Variants in ADARB2 observed in about 807,000 individuals in gnomAD.
ADARB2 encodes inactive double-stranded RNA-specific editase B2.
A neutral mutation model predicts 62.2 loss-of-function variants in ADARB2; 25 were observed. That is an observed-to-expected ratio of 0.40 (90% confidence interval 0.29 to 0.56). The LOEUF (loss-of-function observed/expected upper bound fraction) is 0.56, where lower values mean the gene tolerates loss of function less well. Ranked by LOEUF, ADARB2 falls within the 20% of genes least tolerant of loss-of-function variation. The pLI is 0.43. For synonymous variants in ADARB2, 572 were observed against 500.8 expected, an observed-to-expected ratio of 1.14 and a Z score of -1.90; for missense variants, 1,071 against 1,077.4, an observed-to-expected ratio of 0.99 and a Z score of 0.08.
intron 2 of ADARB2, among the ~76,000 whole-genome samples, chr10:1,375,748 C>T (rs1004213301): frequency 7.2e-5 from 11 of 152,196 alleles, no homozygotes; most frequent in South Asian, 2.1e-4. Flanking sequence ...CAGATTCACA[C>T]GCCACACACA....
At chr10:1,443,216 C>G (rs1214232714) in intron 1 of ADARB2, among the ~76,000 whole-genome samples, 1 of 152,036 alleles carries the variant, frequency 6.6e-6, no homozygotes, top group East Asian at 1.9e-4. Context: ...TTTTTCTGTC[C>G]TGTGCTTGGG....
chr10:1,371,290 A>G (rs1832369574), intron 2 of ADARB2, among the ~76,000 whole-genome samples: 1 of 152,224 alleles, frequency 6.6e-6, no homozygotes, highest in South Asian at 2.1e-4. Context: ...ACAAAAATTA[A>G]TTCGACGATG....
At chr10:1,640,008 T>A (rs530301315) in intron 1 of ADARB2, among the ~76,000 whole-genome samples, 1 of 152,288 alleles carries the variant, frequency 6.6e-6, no homozygotes, top group East Asian at 1.9e-4. Flanking sequence ...AATGGGGTGT[T>A]GGCGGGAAGA....
At chr10:1,327,960 C>CAGTT (rs1255862930) in intron 3 of ADARB2, among the ~76,000 whole-genome samples, 2 of 144,452 alleles carry the variant, frequency 1.4e-5, no homozygotes, top group Non-Finnish European at 3.1e-5. Context: ...CAGTGTCTCA[C>CAGTT]CAGTACTCAG....
At chr10:1,265,114 C>G (rs1831181625) in intron 4 of ADARB2, among the ~76,000 whole-genome samples, 2 of 152,360 alleles carry the variant, frequency 1.3e-5, no homozygotes, top group South Asian at 4.1e-4. Context: ...ACCATCAGCT[C>G]TACATTTCAG....
intron 8 of ADARB2, among the ~76,000 whole-genome samples, chr10:1,198,175 C>A (rs1048935136): frequency 6.6e-6 from 1 of 152,224 alleles, no homozygotes; most frequent in African/African-American, 2.4e-5. Context: ...CATTACTATG[C>A]ATCCCGTGAC....
intron 1 of ADARB2, among the ~76,000 whole-genome samples, chr10:1,645,246 C>G (rs138237833): frequency 6.6e-6 from 1 of 152,214 alleles, no homozygotes; most frequent in South Asian, 2.1e-4. Flanking sequence ...GCATTGCTTA[C>G]GCATGCATGG....
intron 9 of ADARB2, among the ~76,000 whole-genome samples, chr10:1,184,006 C>T (rs1051327301): frequency 3.9e-5 from 6 of 152,206 alleles, no homozygotes; most frequent in Admixed American, 1.3e-4. Context: ...CCTGACCTTC[C>T]AAGTCTCCAG....
intron 1 of ADARB2, among the ~76,000 whole-genome samples, chr10:1,633,553 T>A (rs918674999): frequency 4.8e-5 from 3 of 62,610 alleles, no homozygotes; most frequent in African/African-American, 2.2e-4. Context: ...ATCTATCATC[T>A]ATCTATCTAT....
intron 1 of ADARB2, among the ~76,000 whole-genome samples, chr10:1,384,494 T>C (rs1832509512): frequency 6.6e-6 from 1 of 152,150 alleles, no homozygotes; most frequent in East Asian, 1.9e-4. Flanking sequence ...CTGGCCAGGA[T>C]GAGGGAGTTG....
At chr10:1,574,477 C>T (rs1564334986) in intron 1 of ADARB2, among the ~76,000 whole-genome samples, 1 of 152,018 alleles carries the variant, frequency 6.6e-6, no homozygotes, top group East Asian at 1.9e-4. Flanking sequence ...AGAGAACAGA[C>T]ACTCCTGTTC....
At chr10:1,581,354 G>C (rs1487770012) in intron 1 of ADARB2, among the ~76,000 whole-genome samples, 2 of 152,250 alleles carry the variant, frequency 1.3e-5, no homozygotes, top group Non-Finnish European at 2.9e-5. Flanking sequence ...GGAAGGTGCT[G>C]CCTCTGCTGG....
chr10:1,685,481 A>G (rs1210872559), intron 1 of ADARB2, among the ~76,000 whole-genome samples: 1 of 152,226 alleles, frequency 6.6e-6, no homozygotes, highest in East Asian at 1.9e-4. Flanking sequence ...AATCCATCAC[A>G]GAGTGAAATA....
chr10:1,481,193 G>A (rs1178164312), intron 1 of ADARB2, among the ~76,000 whole-genome samples: 1 of 152,212 alleles, frequency 6.6e-6, no homozygotes, highest in East Asian at 1.9e-4. Context: ...TGACAAAGGT[G>A]CTGCAACTAG....
intron 1 of ADARB2, among the ~76,000 whole-genome samples, chr10:1,457,899 T>C (rs1831115657): frequency 1.2e-5 from 1 of 85,024 alleles, no homozygotes; most frequent in African/African-American, 3.9e-5. Flanking sequence ...GGCGAATGCA[T>C]CATTGGCCTT....
intron 1 of ADARB2, among the ~76,000 whole-genome samples, chr10:1,600,768 C>T (rs1833402213): frequency 1.3e-5 from 2 of 152,042 alleles, no homozygotes; most frequent in East Asian, 1.9e-4. Flanking sequence ...TCCACTCTCC[C>T]ATTCTTCCTA....
At chr10:1,570,861 C>A (rs1332445710) in intron 1 of ADARB2, among the ~76,000 whole-genome samples, 1 of 151,986 alleles carries the variant, frequency 6.6e-6, no homozygotes, top group East Asian at 1.9e-4. Context: ...AGGATGGGAG[C>A]CCGCATCCTG....
At chr10:1,673,775 G>A (rs1336284210) in intron 1 of ADARB2, among the ~76,000 whole-genome samples, 1 of 152,216 alleles carries the variant, frequency 6.6e-6, no homozygotes, top group Non-Finnish European at 1.5e-5. Context: ...CACTGCCACC[G>A]CTCACTGCCA....
intron 1 of ADARB2, among the ~76,000 whole-genome samples, chr10:1,407,191 C>T (rs1349869560): frequency 6.6e-6 from 1 of 152,178 alleles, no homozygotes; most frequent in Non-Finnish European, 1.5e-5. Flanking sequence ...CCGAGCGGAC[C>T]CCATACTGAT....
Sources: gnomAD v4.1 joint callset for allele counts (sites outside exome capture counted in the v4.1 genomes callset) on GRCh38, gnomAD v4.1.1 for gene constraint, MANE v1.5 for transcripts, NCBI Gene and HGNC (gene_info 2026-07-23, HGNC 2026-07-21) for gene names.